Variants in ITPRIP observed in about 807,000 individuals in gnomAD.
The protein encoded by ITPRIP is inositol 1,4,5-trisphosphate receptor interacting protein.
Under a neutral mutation model 35.8 loss-of-function variants are expected in ITPRIP, and 32 were observed. The observed-to-expected ratio is 0.89, with a 90% confidence interval of 0.68 to 1.20. The LOEUF (loss-of-function observed/expected upper bound fraction) is 1.20. Among genes scored for constraint, ITPRIP ranks in the 50% most tolerant of loss-of-function variants. ITPRIP has a pLI of 0.00. For synonymous variants in ITPRIP, 358 were observed against 324.0 expected, an observed-to-expected ratio of 1.11 and a Z score of -1.13; for missense variants, 653 against 735.6, an observed-to-expected ratio of 0.89 and a Z score of 1.30.
rs2013582568 is a variant in ITPRIP, at chr10:104,314,620, A to G, written c.1432T>C (p.Phe478Leu). The change falls in exon 2 of 2, where the codon TTC becomes CTC. Residue 478 changes from phenylalanine (F) to leucine (L), a missense_variant. Physicochemically the swap from Phe to Leu is conservative, Grantham distance 22. Transcript: ENST00000337478. ...SLLQKKLHHF[F>L]IGNRKVPEAM... ...TCAGGCACCTTGCGGTTGCCGATGA[A>G]GAAGTGGTGGAGCTTCTTCTGGAGC... 6.2e-7 allele frequency: 1 copy of G among 1,614,032 alleles called. No individual in the cohort carries two copies.
rs1219762664 is a variant in ITPRIP at position 104,328,457 on chromosome 10, G to T, written c.-14+9789C>A. On this transcript the variant is annotated intron_variant, in intron 1 of 1. Coordinates refer to ENST00000337478, the MANE Select transcript of ITPRIP (RefSeq NM_001272013.2). The surrounding 1 kb of genome is among the most constrained non-coding windows in gnomAD (Gnocchi z 4.1). Reference sequence around the variant, plus strand: ...CTCCAAGCAGAGCCACAAACGTTCAGGCAAAACCACACTTTCTCAGTGGGA... The same window carrying T: ...CTCCAAGCAGAGCCACAAACGTTCATGCAAAACCACACTTTCTCAGTGGGA... Among the ~76,000 whole-genome samples the T allele has an allele frequency of 6.6e-6, 1 of 152,062 alleles. No homozygotes were observed. The highest frequency in any genetic ancestry group is 1.5e-5 in the Non-Finnish European group (1 of 68,022).
chr10:104,333,145 C>T lies in ITPRIP; in HGVS notation c.-14+5101G>A, dbSNP rs2014182220. On this transcript the variant is annotated intron_variant, in intron 1 of 1. Transcript: ENST00000337478. This position sits in a 1 kb window ranked among gnomAD's most constrained non-coding sequence, Gnocchi z 4.1. ...TAACCCTCCTTACAGATCCAGGCTG[C>T]AGGAGGACCCCTAAGGAGTCCCGTT... Among the ~76,000 whole-genome samples, 2 of 152,178 alleles carry T rather than the reference C, an allele frequency of 1.3e-5. No homozygotes were observed. Among genetic ancestry groups the T allele is most frequent in the South Asian group, 2.1e-4 (1 of 4,830 alleles).
At position 104,314,127 on chromosome 10, in the gene ITPRIP, CA is replaced by C; in HGVS notation, c.*280del. 2 of 1,219,918 alleles carry C rather than the reference CA, an allele frequency of 1.6e-6. No individual in the cohort carries two copies. The highest frequency in any genetic ancestry group is 2.0e-6 in the Non-Finnish European group (2 of 975,760). 75.6% of individuals were successfully genotyped at this position (1,219,918 alleles called of 1,614,324 possible). On this transcript the variant is annotated 3_prime_UTR_variant, in exon 2 of 2. Coordinates refer to ENST00000337478, the MANE Select transcript of ITPRIP (RefSeq NM_001272013.2). ...CAGGGTCCACAGCGTGTTCTGCCACCATCTTGGCCATTCATGGTGATCCAGA... is the reference window on the plus strand; with the variant it reads ...CAGGGTCCACAGCGTGTTCTGCCACCTCTTGGCCATTCATGGTGATCCAGA...
At chr10:104,320,970 A>G (rs149250998) in intron 1 of ITPRIP, among the ~76,000 whole-genome samples, 6 of 152,310 alleles carry the variant, frequency 3.9e-5, no homozygotes, top group Non-Finnish European at 7.4e-5. Flanking sequence ...CAAATATTGT[A>G]TAGAGTTGAC....
rs562372772 is a variant in ITPRIP, at chr10:104,317,903, G to A, written c.-13-1839C>T. On this transcript the variant is annotated intron_variant, in intron 1 of 1. Transcript: ENST00000337478. ...CACGCCTAGACAAACTTGCTGCTCA[G>A]ATGTGACTCAGACAGTTCCACCCCA... is the stretch of plus-strand genomic sequence containing the variant. Among the ~76,000 whole-genome samples the A allele has an allele frequency of 7.4e-4, 113 of 152,336 alleles. 1 individual carries two copies. Among genetic ancestry groups the A allele is most frequent in the Middle Eastern group, 3.4e-3 (1 of 294 alleles).
Position 104,315,122 on chromosome 10 carries a change from T to C in ITPRIP, c.930A>G (p.Arg310=). 1 of 1,614,060 alleles carries C rather than the reference T, an allele frequency of 6.2e-7. No individual in the cohort carries two copies. The highest frequency in any genetic ancestry group is 1.1e-5 in the South Asian group (1 of 91,082). ...VMKWFQTALT[R]AWKGIAHKYE... ...ACTTGTGGGCGATGCCCTTCCAGGC[T>C]CTGGTGAGGGCCGTCTGGAACCACT... Residue 310 remains arginine (R), a synonymous_variant, in exon 2 of 2, where the codon AGA becomes AGG. Transcript: ENST00000337478. The surrounding 1 kb of genome is among the most constrained non-coding windows in gnomAD (Gnocchi z 5.7).
rs1418451796 is a variant in ITPRIP at position 104,316,040 on chromosome 10, C to A, written c.12G>T (p.Gly4=). The change falls in exon 2 of 2, where the codon GGG becomes GGT. Residue 4 remains glycine, a synonymous_variant. Coordinates refer to ENST00000337478, the MANE Select transcript of ITPRIP (RefSeq NM_001272013.2). ...CCACCACCAGACACACGCGGAAGAGCCCCATGGCCATGGTTGGAGCTTTCC... is the reference window on the plus strand; with the variant it reads ...CCACCACCAGACACACGCGGAAGAGACCCATGGCCATGGTTGGAGCTTTCC... MAM[G]LFRVCLVVVT... The A allele has an allele frequency of 6.3e-7, 1 of 1,580,182 alleles. No individual in the cohort carries two copies. The highest frequency in any genetic ancestry group is 8.6e-7 in the Non-Finnish European group (1 of 1,164,592).
chr10:104,336,448 A>AGT (rs2014234501), intron 1 of ITPRIP, among the ~76,000 whole-genome samples: 1 of 128,546 alleles, frequency 7.8e-6, no homozygotes, highest in Admixed American at 9.5e-5. Context: ...ATGGAACCTG[A>AGT]GTCTTGGACT....
At chr10:104,327,172 C>T (rs549191461) in intron 1 of ITPRIP, among the ~76,000 whole-genome samples, 6 of 152,196 alleles carry the variant, frequency 3.9e-5, no homozygotes, top group South Asian at 4.1e-4. Context: ...TGCTCTGCAC[C>T]GAAGCCTGGG....
intron 1 of ITPRIP, among the ~76,000 whole-genome samples, chr10:104,334,868 G>A (rs139643384): frequency 2.9e-4 from 44 of 152,368 alleles, no homozygotes; most frequent in African/African-American, 9.6e-4. Flanking sequence ...AGGACGCAGG[G>A]AAGAGACGAC....
chr10:104,326,588 T>C lies in ITPRIP; in HGVS notation c.-13-10524A>G. The C allele has an allele frequency of 6.6e-6, 1 of 152,412 alleles. No homozygotes were observed. Among genetic ancestry groups the C allele is most frequent in the Non-Finnish European group, 1.5e-5 (1 of 68,124 alleles). 9.4% of individuals were successfully genotyped at this position (152,412 alleles called of 1,614,324 possible). ...GAGCTCTGGCCCACACCTCCTTTTCTCCCACGCGTTCCCTCCAGGGCATCT... is the reference window on the plus strand; with the variant it reads ...GAGCTCTGGCCCACACCTCCTTTTCCCCCACGCGTTCCCTCCAGGGCATCT... On this transcript the variant is annotated intron_variant, in intron 1 of 1. Coordinates refer to ENST00000337478, the MANE Select transcript of ITPRIP (RefSeq NM_001272013.2). This position sits in a 1 kb window ranked among gnomAD's most constrained non-coding sequence, Gnocchi z 4.8.
Position 104,311,072 on chromosome 10 carries a change from C to G in ITPRIP, c.*3336G>C, listed in dbSNP as rs1176586233. ...TTCCCATCTTCCACAATGTCTCATG[C>G]ACGTTAGGCTCCTGACAAATGCTTG... On this transcript the variant is annotated 3_prime_UTR_variant, in exon 2 of 2. Coordinates refer to ENST00000337478, the MANE Select transcript of ITPRIP (RefSeq NM_001272013.2). 2 of 152,270 alleles carry G rather than the reference C, an allele frequency of 1.3e-5. No individual in the cohort carries two copies. Among genetic ancestry groups the G allele is most frequent in the Admixed American group, 6.5e-5 (1 of 15,288 alleles). 9.4% of individuals were successfully genotyped at this position (152,270 alleles called of 1,614,324 possible). A position where few individuals can be genotyped will look rare whatever the true frequency, so the allele number is the denominator to read the frequency against.
intron 1 of ITPRIP, among the ~76,000 whole-genome samples, chr10:104,330,580 G>C (rs1041840017): frequency 6.6e-6 from 1 of 152,194 alleles, no homozygotes; most frequent in Non-Finnish European, 1.5e-5. Context: ...GAAATAAACA[G>C]AGGATTACAG....
chr10:104,336,654 T>C (rs2014242310), intron 1 of ITPRIP, among the ~76,000 whole-genome samples: 1 of 151,910 alleles, frequency 6.6e-6, no homozygotes, highest in Non-Finnish European at 1.5e-5. Flanking sequence ...CAAGCAATCC[T>C]CCCACCTCAG....
rs549835391 is a variant in ITPRIP at position 104,333,310 on chromosome 10, T to A, written c.-14+4936A>T. ...TTCACCCTGCCGCTAACTGGGCCCA[T>A]CCTCTCCCCAGCCTCTGAGAAACAC... is the stretch of plus-strand genomic sequence containing the variant. On this transcript the variant is annotated intron_variant, in intron 1 of 1. Coordinates refer to ENST00000337478, the MANE Select transcript of ITPRIP (RefSeq NM_001272013.2). The surrounding 1 kb of genome is among the most constrained non-coding windows in gnomAD (Gnocchi z 4.1). 6.6e-6 allele frequency: 1 copy of A among 152,638 alleles called. No homozygotes were observed. The highest frequency in any genetic ancestry group is 2.1e-4 in the South Asian group (1 of 4,828). 9.5% of individuals were successfully genotyped at this position (152,638 alleles called of 1,614,324 possible).
chr10:104,324,323 GGA>G (rs1445860970), intron 1 of ITPRIP, among the ~76,000 whole-genome samples: 1 of 152,234 alleles, frequency 6.6e-6, no homozygotes, highest in Non-Finnish European at 1.5e-5. Context: ...AATGGGGACA[GGA>G]GAGGGAATAT....
Position 104,315,331 on chromosome 10 carries a change from C to A in ITPRIP, c.721G>T (p.Gly241Cys), listed in dbSNP as rs528482276. 6.4e-7 allele frequency: 1 copy of A among 1,565,942 alleles called. No homozygotes were observed. The highest frequency in any genetic ancestry group is 8.7e-7 in the Non-Finnish European group (1 of 1,152,508). Residue 241 changes from glycine to cysteine, a missense_variant, in exon 2 of 2, where the codon GGC (glycine) becomes TGC (cysteine). Gly to Cys is a radical substitution (Grantham distance 159). Transcript: ENST00000337478. This position sits in a 1 kb window ranked among gnomAD's most constrained non-coding sequence, Gnocchi z 5.7. ...RSVPLDRQGY[G>C]QIKVVRADGD... ...TCGGCGCGGACCACCTTGATCTGGC[C>A]GTAGCCCTGGCGATCCAGGGGCACT...
chr10:104,328,165 C>T lies in ITPRIP; in HGVS notation c.-14+10081G>A. 1 of 939,782 alleles carries T rather than the reference C, an allele frequency of 1.1e-6. No homozygotes were observed. The highest frequency in any genetic ancestry group is 4.9e-5 in the South Asian group (1 of 20,426). The allele number at this position is 939,782 out of a possible 1,614,324, so 58.2% of individuals were successfully genotyped here. ...CCACAGCCAGCCTGCAGGGGAAGGT[C>T]TCCCTCAGCCTCCAGGATTCCCATC... is the stretch of plus-strand genomic sequence containing the variant. On this transcript the variant is annotated intron_variant, in intron 1 of 1. Transcript: ENST00000337478. This position sits in a 1 kb window ranked among gnomAD's most constrained non-coding sequence, Gnocchi z 4.1.
rs1488516959 is a variant in ITPRIP at position 104,310,141 on chromosome 10, C to T, written c.*4267G>A. ...CTGGCCAAACCAAACAGCCTTCCAG[C>T]TCTGTCCCGTGAGGTGGAGATGAGA... On this transcript the variant is annotated 3_prime_UTR_variant, in exon 2 of 2. Coordinates refer to ENST00000337478, the MANE Select transcript of ITPRIP (RefSeq NM_001272013.2). 6.6e-6 allele frequency: 1 copy of T among 152,232 alleles called. No homozygotes were observed. Among genetic ancestry groups the T allele is most frequent in the Non-Finnish European group, 1.5e-5 (1 of 68,070 alleles). 9.4% of individuals were successfully genotyped at this position (152,232 alleles called of 1,614,324 possible).
Sources: gnomAD v4.1 joint callset for allele counts (sites outside exome capture counted in the v4.1 genomes callset) on GRCh38, gnomAD v4.1.1 for gene constraint, Gnocchi (gnomAD v3.1) non-coding constraint, MANE v1.5 for transcripts, NCBI Gene and HGNC (gene_info 2026-07-23, HGNC 2026-07-21) for gene names.